CYGB: variants seen among roughly 807,000 people sequenced by gnomAD.
The protein encoded by CYGB is cytoglobin.
CYGB carries 13 observed loss-of-function variants against 20.7 expected under a neutral mutation model. That is an observed-to-expected ratio of 0.63 (90% CI 0.41 to 1.00). CYGB has a LOEUF of 1.00. Among genes scored for constraint, CYGB ranks in the 50% least tolerant of loss-of-function variants. CYGB has a pLI of 0.00. For missense variants in CYGB, 218 were observed against 257.2 expected (o/e 0.85, Z 1.04); for synonymous variants, 93 against 107.4 (o/e 0.87, Z 0.83).
rs766554889 is a variant in CYGB at position 76,533,738 on chromosome 17, A to G, written c.144-2047T>C. ...ACCCTGAATCCAAAGAAATAATGAT[A>G]ATAATAATAATAAAAGGTCAGGTGT... On this transcript the variant is annotated intron_variant, in intron 1 of 3. Coordinates refer to ENST00000293230, the MANE Select transcript of CYGB (RefSeq NM_134268.5). This position sits in a 1 kb window ranked among gnomAD's most constrained non-coding sequence, Gnocchi z 4.5. 6.6e-6 allele frequency among the ~76,000 whole-genome samples: 1 copy of G among 151,852 alleles called. No individual in the cohort carries two copies. Among genetic ancestry groups the G allele is most frequent in the Non-Finnish European group, 1.5e-5 (1 of 67,980 alleles).
At position 76,530,968 on chromosome 17, in the gene CYGB, C is replaced by T. The variant is rs753096420; in HGVS notation, c.539+11G>A. On this transcript the variant is annotated intron_variant, in intron 3 of 3. Transcript: ENST00000293230. The surrounding 1 kb of genome is among the most constrained non-coding windows in gnomAD (Gnocchi z 6.1). ...GGAGGCTGCCCAGCCCACCCTCGCC[C>T]GCCTCCTCACGTGGTGGCGTTGGGG... The T allele has an allele frequency of 1.5e-5, 23 of 1,576,100 alleles. No individual in the cohort carries two copies. The highest frequency in any genetic ancestry group is 1.3e-4 in the South Asian group (11 of 87,084).
At chr17:76,542,330 C>T (rs367559580), upstream of CYGB, among the ~76,000 whole-genome samples, 4 of 152,284 alleles carry the variant, frequency 2.6e-5, no homozygotes, top group South Asian at 2.1e-4. Flanking sequence ...GGTCTGACAT[C>T]GAGGAACCAC....
intron 1 of CYGB, among the ~76,000 whole-genome samples, chr17:76,549,719 G>A (rs1275855166): frequency 6.6e-6 from 1 of 152,162 alleles, no homozygotes. Context: ...GATATATAAA[G>A]ATAGAATAAT....
In CYGB at chr17:76,537,462, C is replaced by T. The variant is rs774320704; in HGVS notation, c.81G>A (p.Val27=). ...EELSEAERKA[V]QAMWARLYAN... is the part of the protein sequence containing the mutation. ...CATAGAGCCGGGCCCACATAGCCTG[C>T]ACCGCCTTCCTCTCCGCCTCGGACA... The change falls in exon 1 of 4, where the codon GTG becomes GTA. Residue 27 remains valine (V), a synonymous_variant. Transcript: ENST00000293230. 1.3e-6 allele frequency: 2 copies of T among 1,597,548 alleles called. No individual in the cohort carries two copies. Among genetic ancestry groups the T allele is most frequent in the East Asian group, 4.7e-5 (2 of 42,740 alleles).
rs550286728 is a variant in CYGB at position 76,537,699 on chromosome 17, GGT to G, written c.-159_-158del. The G allele has an allele frequency of 8.0e-3, 4,389 of 550,584 alleles. 2 individuals carry two copies. Among genetic ancestry groups the G allele is most frequent in the South Asian group, 9.2e-3 (122 of 13,328 alleles). 34.1% of individuals were successfully genotyped at this position (550,584 alleles called of 1,614,324 possible). A position where few individuals can be genotyped will look rare whatever the true frequency, so the allele number is the denominator to read the frequency against. ...AGGGAGCGTGTGTCTGTGCGCGCCG[GGT>G]GTGTGTGTGTGTGTGCGTGCGTGTG... On this transcript the variant is annotated 5_prime_UTR_variant, in exon 1 of 4. Transcript: ENST00000293230.
Position 76,527,693 on chromosome 17 carries a change from A to G in CYGB, c.*885T>C, listed in dbSNP as rs1007486109. The G allele has an allele frequency of 4.4e-6, 2 of 453,896 alleles. No homozygotes were observed. Among genetic ancestry groups the G allele is most frequent in the Non-Finnish European group, 8.8e-6 (2 of 226,732 alleles). The allele number at this position is 453,896 out of a possible 1,614,324, so 28.1% of individuals were successfully genotyped here. ...ATGTGGTCCCGCCGACCTGCTGCCC[A>G]GCAGCCCGGATCCCCCGGGGCTGCC... On this transcript the variant is annotated 3_prime_UTR_variant, in exon 4 of 4. Coordinates refer to ENST00000293230, the MANE Select transcript of CYGB (RefSeq NM_134268.5).
chr17:76,531,743 A>T lies in CYGB; in HGVS notation c.144-52T>A. 6.8e-7 allele frequency: 1 copy of T among 1,478,866 alleles called. No homozygotes were observed. The highest frequency in any genetic ancestry group is 9.2e-7 in the Non-Finnish European group (1 of 1,082,400). The allele number at this position is 1,478,866 out of a possible 1,614,324, so 91.6% of individuals were successfully genotyped here. On this transcript the variant is annotated intron_variant, in intron 1 of 3. Coordinates refer to ENST00000293230, the MANE Select transcript of CYGB (RefSeq NM_134268.5). This position sits in a 1 kb window ranked among gnomAD's most constrained non-coding sequence, Gnocchi z 7.4. ...TGAAGCTGGAGGCTGCCTCGGGCCC[A>T]CCCTGAAGCTTCCAGGATAGTGGGG...
intron 1 of CYGB, chr17:76,543,114 T>C (rs2075011641): frequency 2.1e-6 from 1 of 470,972 alleles, no homozygotes; most frequent in Non-Finnish European, 4.4e-6. Flanking sequence ...GAAGCAGCAC[T>C]AGAGAAGGTA....
chr17:76,531,131 C>A lies in CYGB; in HGVS notation c.387G>T (p.Gly129=). 1 of 1,613,244 alleles carries A rather than the reference C, an allele frequency of 6.2e-7. No homozygotes were observed. The highest frequency in any genetic ancestry group is 8.5e-7 in the Non-Finnish European group (1 of 1,179,568). ...VEPVYFKILS[G]VILEVVAEEF... is the part of the protein sequence containing the mutation. ...CCTCGGCGACCACCTCCAGAATGAC[C>A]CCAGAGAGGATCTGGGGGCAAAGGG... is the stretch of plus-strand genomic sequence containing the variant. The change falls in exon 3 of 4, where the codon GGG becomes GGT. Residue 129 remains glycine (G), a synonymous_variant. Transcript: ENST00000293230. This position sits in a 1 kb window ranked among gnomAD's most constrained non-coding sequence, Gnocchi z 7.4.
At chr17:76,543,053 C>A (rs1384432703) in intron 1 of CYGB, 1 of 472,402 alleles carries the variant, frequency 2.1e-6, no homozygotes, top group Non-Finnish European at 4.4e-6. Context: ...CGTCCCCTAG[C>A]CCAGGAGGAT....
chr17:76,540,317 CAGCGGGGCTGGGAGGGCATTTTGAGGA>C, upstream of CYGB: 3 of 1,388,476 alleles, frequency 2.2e-6, no homozygotes, highest in Non-Finnish European at 3.0e-6. The surrounding 1 kb of genome is among the most constrained non-coding windows in gnomAD (Gnocchi z 5.0). Flanking sequence ...CGTGAACCTT[CAGCGGGGCTGGGAGGGCATTTTGAGGA>C]ACCCTTGAGA....
chr17:76,531,953 C>G lies in CYGB; in HGVS notation c.144-262G>C, dbSNP rs558368133. On this transcript the variant is annotated intron_variant, in intron 1 of 3. Coordinates refer to ENST00000293230, the MANE Select transcript of CYGB (RefSeq NM_134268.5). The surrounding 1 kb of genome is among the most constrained non-coding windows in gnomAD (Gnocchi z 7.4). Reference sequence around the variant, plus strand: ...TCATCTCCTAGGCCTCTGTCTTCCTCGCTTCTTGCTTCCTTCCCAAACTCT... The same window carrying G: ...TCATCTCCTAGGCCTCTGTCTTCCTGGCTTCTTGCTTCCTTCCCAAACTCT... The G allele has an allele frequency of 2.6e-6, 1 of 380,500 alleles. No homozygotes were observed. Among genetic ancestry groups the G allele is most frequent in the Middle Eastern group, 7.1e-4 (1 of 1,416 alleles). The allele number at this position is 380,500 out of a possible 1,614,324, so 23.6% of individuals were successfully genotyped here. A position where few individuals can be genotyped will look rare whatever the true frequency, so the allele number is the denominator to read the frequency against.
In CYGB at chr17:76,528,759, G is replaced by A. The variant is rs2143063978; in HGVS notation, c.540-148C>T. 2.0e-6 allele frequency: 2 copies of A among 1,016,388 alleles called. No individual in the cohort carries two copies. The highest frequency in any genetic ancestry group is 3.3e-5 in the East Asian group (1 of 30,656). 63.0% of individuals were successfully genotyped at this position (1,016,388 alleles called of 1,614,324 possible). On this transcript the variant is annotated intron_variant, in intron 3 of 3. Transcript: ENST00000293230. The surrounding 1 kb of genome is among the most constrained non-coding windows in gnomAD (Gnocchi z 5.8). ...AGTTGAAAGCAACCGTGAGACCCAA[G>A]TTCTAGTCTCCGTCCTGCTACGAAC...
chr17:76,531,860 G>A lies in CYGB; in HGVS notation c.144-169C>T. The A allele has an allele frequency of 1.7e-6, 1 of 589,626 alleles. No individual in the cohort carries two copies. The highest frequency in any genetic ancestry group is 2.2e-5 in the South Asian group (1 of 45,680). The allele number at this position is 589,626 out of a possible 1,614,324, so 36.5% of individuals were successfully genotyped here. A position where few individuals can be genotyped will look rare whatever the true frequency, so the allele number is the denominator to read the frequency against. ...CCTCAGCATAGACCCTCCTCCCTCT[G>A]GCCAAGCCGGCTCACCCCTACCAAG... On this transcript the variant is annotated intron_variant, in intron 1 of 3. Transcript: ENST00000293230. This position sits in a 1 kb window ranked among gnomAD's most constrained non-coding sequence, Gnocchi z 7.4.
At chr17:76,548,240 A>G (rs1440225521) in intron 1 of CYGB, among the ~76,000 whole-genome samples, 2 of 152,026 alleles carry the variant, frequency 1.3e-5, no homozygotes, top group Non-Finnish European at 1.5e-5. Context: ...TAGCATACAC[A>G]TACACACAGT....
rs1233908445 is a variant in CYGB, at chr17:76,537,555, G to T, written c.-13C>A. ...GCACTTTCTCCATGAGCAGCTCCAA[G>T]CCCAGCCCGGCTTTGCTCGGCGGCG... On this transcript the variant is annotated 5_prime_UTR_variant, in exon 1 of 4. Transcript: ENST00000293230. 3.9e-5 allele frequency: 54 copies of T among 1,390,920 alleles called. No individual in the cohort carries two copies. The highest frequency in any genetic ancestry group is 5.1e-5 in the Non-Finnish European group (54 of 1,057,296). 86.2% of individuals were successfully genotyped at this position (1,390,920 alleles called of 1,614,324 possible). A position where few individuals can be genotyped will look rare whatever the true frequency, so the allele number is the denominator to read the frequency against.
intron 1 of CYGB, chr17:76,545,769 C>T (rs928397247): frequency 1.3e-5 from 3 of 226,018 alleles, no homozygotes; most frequent in Non-Finnish European, 2.7e-5. Flanking sequence ...GGGTAAGTGT[C>T]CCATATATGT....
At chr17:76,538,734 G>T (rs141727306), upstream of CYGB, among the ~76,000 whole-genome samples, 2 of 152,338 alleles carry the variant, frequency 1.3e-5, no homozygotes, top group South Asian at 4.1e-4. Flanking sequence ...GGCCAGAGGT[G>T]GGGGGAGAAT....
At chr17:76,541,357 C>G (rs1389269440), upstream of CYGB, among the ~76,000 whole-genome samples, 1 of 152,202 alleles carries the variant, frequency 6.6e-6, no homozygotes, top group Non-Finnish European at 1.5e-5. Flanking sequence ...TAAAAAAGAT[C>G]CGATGACATC....
Sources: gnomAD v4.1 joint callset for allele counts (sites outside exome capture counted in the v4.1 genomes callset) on GRCh38, gnomAD v4.1.1 for gene constraint, Gnocchi (gnomAD v3.1) non-coding constraint, MANE v1.5 for transcripts, NCBI Gene and HGNC (gene_info 2026-07-23, HGNC 2026-07-21) for gene names.